Variants in SDK1 observed in about 807,000 individuals in gnomAD.
SDK1 encodes the protein protein sidekick-1.
A neutral mutation model predicts 245.5 loss-of-function variants in SDK1; 157 were observed. The observed-to-expected ratio is 0.64, with a 90% CI of 0.56 to 0.73. SDK1 has a LOEUF of 0.73. Among genes scored for constraint, SDK1 ranks in the 30% least tolerant of loss-of-function variants. SDK1 has a pLI of 0.00. For missense variants in SDK1, 3,583 were observed against 3,002.3 expected (o/e 1.19, Z -4.52); for synonymous variants, 1,647 against 1,278.5 (o/e 1.29, Z -6.15).
At chr7:3,805,082 T>G (rs1434407537) in intron 4 of SDK1, among the ~76,000 whole-genome samples, 1 of 152,216 alleles carries the variant, frequency 6.6e-6, no homozygotes, top group Non-Finnish European at 1.5e-5. Context: ...ATTAGTTTGA[T>G]TTCACCATTT....
At chr7:3,638,350 C>T (rs1164801750) in intron 2 of SDK1, among the ~76,000 whole-genome samples, 1 of 152,054 alleles carries the variant, frequency 6.6e-6, no homozygotes, top group African/African-American at 2.4e-5. Context: ...TTTATTGTGG[C>T]ACTATTCACA....
At chr7:3,313,775 G>A (rs556503293) in intron 1 of SDK1, among the ~76,000 whole-genome samples, 1 of 152,258 alleles carries the variant, frequency 6.6e-6, no homozygotes, top group East Asian at 1.9e-4. Context: ...ATGATAACTT[G>A]TTTTATTCTT....
At chr7:4,162,038 G>A (rs1043998717) in intron 32 of SDK1, among the ~76,000 whole-genome samples, 182 bp downstream of exon 32, 5 of 151,968 alleles carry the variant, frequency 3.3e-5, no homozygotes, top group Admixed American at 6.6e-5. Context: ...TTATCATCTC[G>A]GTGTAATTTC....
intron 37 of SDK1, 58 bp downstream of exon 37, chr7:4,208,343 G>T: frequency 2.0e-6 from 3 of 1,500,238 alleles, no homozygotes; most frequent in Non-Finnish European, 2.8e-6. Context: ...TTTTGAGAGC[G>T]CCAGCTCAGG....
At chr7:4,160,703 T>C (rs1781058059) in intron 31 of SDK1, among the ~76,000 whole-genome samples, 1 of 152,198 alleles carries the variant, frequency 6.6e-6, no homozygotes, top group South Asian at 2.1e-4. Flanking sequence ...GAACTCCCTG[T>C]AATGGCACCG....
chr7:3,800,495 C>T (rs892933202), intron 4 of SDK1, among the ~76,000 whole-genome samples: 2 of 152,018 alleles, frequency 1.3e-5, no homozygotes, highest in Non-Finnish European at 2.9e-5. Flanking sequence ...GATTCTCCTG[C>T]CTCAGCCTTC....
At position 3,577,931 on chromosome 7, in the gene SDK1, C is replaced by G. The variant is rs184468824; in HGVS notation, c.299-41149C>G. On this transcript the variant is annotated intron_variant, in intron 1 of 44. Transcript: ENST00000404826. ...TGATGTGGTTTAAAGGAACCTGGAGCTCTTAGAGAAATGATTAGAAGGAGC... is the reference window on the plus strand; with the variant it reads ...TGATGTGGTTTAAAGGAACCTGGAGGTCTTAGAGAAATGATTAGAAGGAGC... Among the ~76,000 whole-genome samples the G allele has an allele frequency of 1.0e-3, 157 of 152,080 alleles. 1 individual carries two copies. The highest frequency in any genetic ancestry group is 2.3e-3 in the South Asian group (11 of 4,822).
At chr7:4,208,767 A>G (rs1021687409) in intron 37 of SDK1, among the ~76,000 whole-genome samples, 1 of 152,154 alleles carries the variant, frequency 6.6e-6, no homozygotes, top group East Asian at 1.9e-4. Flanking sequence ...ACTGCTCACT[A>G]CACACATGCC....
chr7:3,510,209 G>A (rs1782535070), intron 1 of SDK1, among the ~76,000 whole-genome samples: 1 of 152,332 alleles, frequency 6.6e-6, no homozygotes, highest in East Asian at 1.9e-4. Context: ...GCTAGTCACT[G>A]TGGTGTGGGA....
chr7:3,303,880 C>T (rs1779347009), intron 1 of SDK1, among the ~76,000 whole-genome samples: 2 of 152,078 alleles, frequency 1.3e-5, no homozygotes, highest in Non-Finnish European at 2.9e-5. Context: ...ATGAGTTGGT[C>T]ATATGTGCAG....
chr7:4,230,844 G>A (rs1302500705), intron 40 of SDK1, among the ~76,000 whole-genome samples: 1 of 152,166 alleles, frequency 6.6e-6, no homozygotes, highest in Non-Finnish European at 1.5e-5. Flanking sequence ...ACCTCAAAAA[G>A]ATGAGTCTGA....
At chr7:4,216,198 C>T (rs542295665) in intron 38 of SDK1, among the ~76,000 whole-genome samples, 1 of 152,308 alleles carries the variant, frequency 6.6e-6, no homozygotes, top group Admixed American at 6.5e-5. Context: ...TTGAAAAGGA[C>T]GACAACGCCA....
intron 1 of SDK1, among the ~76,000 whole-genome samples, chr7:3,482,648 G>C (rs1205867684): frequency 6.6e-6 from 1 of 152,138 alleles, no homozygotes; most frequent in Non-Finnish European, 1.5e-5. Flanking sequence ...TCCTACTGGG[G>C]AGGTCCAAAA....
At chr7:3,623,902 T>C (rs974827006) in intron 2 of SDK1, among the ~76,000 whole-genome samples, 2 of 152,192 alleles carry the variant, frequency 1.3e-5, no homozygotes, top group African/African-American at 4.8e-5. Context: ...AATAGAAATT[T>C]GATGGATGTT....
chr7:3,860,278 T>A (rs1780659249), intron 5 of SDK1, among the ~76,000 whole-genome samples: 1 of 152,084 alleles, frequency 6.6e-6, no homozygotes, highest in Non-Finnish European at 1.5e-5. Context: ...GAAGAAAACA[T>A]TTGCAACATA....
chr7:3,505,058 C>A (rs1301728068), intron 1 of SDK1, among the ~76,000 whole-genome samples: 2 of 152,098 alleles, frequency 1.3e-5, no homozygotes, highest in African/African-American at 2.4e-5. Context: ...ATATGGTAAG[C>A]CCCCTTGACT....
intron 14 of SDK1, among the ~76,000 whole-genome samples, chr7:4,009,601 A>G (rs1485407705): frequency 6.6e-6 from 1 of 152,278 alleles, no homozygotes; most frequent in South Asian, 2.1e-4. Flanking sequence ...GAACGCTGAA[A>G]TGCCCAGCTG....
In SDK1 at chr7:3,962,582, C is replaced by T. The variant is rs1781784831; in HGVS notation, c.1235-75C>T. On this transcript the variant is annotated intron_variant, in intron 8 of 44. Coordinates refer to ENST00000404826, the MANE Select transcript of SDK1 (RefSeq NM_152744.4). ...CCTATTAAAATATTGGCATTCTAGC[C>T]TTTGAAACAGATGTGCTTCAGTTCT... 7 of 1,288,214 alleles carry T rather than the reference C, an allele frequency of 5.4e-6. No homozygotes were observed. The South Asian group carries it at 7.5e-5, about 14-fold the overall frequency. The allele number at this position is 1,288,214 out of a possible 1,614,324, so 79.8% of individuals were successfully genotyped here. A position where few individuals can be genotyped will look rare whatever the true frequency, so the allele number is the denominator to read the frequency against.
chr7:3,947,297 T>C (rs1780616147), intron 5 of SDK1, among the ~76,000 whole-genome samples: 2 of 152,222 alleles, frequency 1.3e-5, no homozygotes, highest in African/African-American at 2.4e-5. Context: ...TTCTGCAGTT[T>C]CATATCGTCC....
Sources: allele counts gnomAD v4.1 joint callset (sites outside exome capture counted in the v4.1 genomes callset), GRCh38; gene constraint gnomAD v4.1.1; transcripts MANE v1.5; gene names NCBI Gene and HGNC (gene_info 2026-07-23, HGNC 2026-07-21).